Variants in LSAMP observed in about 807,000 individuals in gnomAD.
LSAMP encodes limbic system-associated membrane protein.
LSAMP carries 7 observed loss-of-function variants against 38.6 expected under a neutral mutation model. That is an observed-to-expected ratio of 0.18 (90% CI 0.10 to 0.34). The LOEUF is 0.34. LSAMP is among the 10% of genes least tolerant of loss of function. The probability of loss-of-function intolerance (pLI) is 1.00; values close to 1 mark genes in which losing one functional copy is unlikely to be tolerated. For missense variants in LSAMP, 313 were observed against 420.0 expected (o/e 0.75, Z 2.23); for synonymous variants, 154 against 166.8 (o/e 0.92, Z 0.59).
intron 1 of LSAMP, among the ~76,000 whole-genome samples, chr3:116,180,055 CG>C (rs1710448123): frequency 6.6e-6 from 1 of 152,048 alleles, no homozygotes; most frequent in Admixed American, 6.6e-5. Context: ...TGCTCATTTT[CG>C]TTCAATCATT....
intron 3 of LSAMP, among the ~76,000 whole-genome samples, chr3:115,864,695 T>A (rs1935808139): frequency 6.6e-6 from 1 of 152,162 alleles, no homozygotes; most frequent in Non-Finnish European, 1.5e-5. Flanking sequence ...CCTAGTGTCC[T>A]CGCACCACCT....
At chr3:116,127,605 A>G (rs938343374) in intron 1 of LSAMP, among the ~76,000 whole-genome samples, 16 of 152,094 alleles carry the variant, frequency 1.1e-4, no homozygotes, top group African/African-American at 3.9e-4. Flanking sequence ...TGAGAAAGTA[A>G]GTTCCTTTTA....
chr3:116,217,325 A>C (rs2046232087), intron 1 of LSAMP, among the ~76,000 whole-genome samples: 1 of 152,238 alleles, frequency 6.6e-6, no homozygotes, highest in African/African-American at 2.4e-5. Flanking sequence ...CTGAAGACAC[A>C]TTCACGTTAT....
rs370024156 is a variant in LSAMP, at chr3:115,994,633, ATG to A, written c.514+24880_514+24881del. The stretch of plus-strand genomic sequence containing the variant: ...GTGATCCCCAAATACTGGTAGTGGA[ATG>A]TCTTGGGATTTCAATAGATAAAAGA... On this transcript the variant is annotated intron_variant, in intron 3 of 6. Coordinates refer to ENST00000490035, the MANE Select transcript of LSAMP (RefSeq NM_002338.5). Among the ~76,000 whole-genome samples, 260 of 152,136 alleles carry A rather than the reference ATG, an allele frequency of 1.7e-3. 1 individual carries two copies. The highest frequency in any genetic ancestry group is 6.1e-3 in the African/African-American group (252 of 41,520).
intron 1 of LSAMP, among the ~76,000 whole-genome samples, chr3:116,166,787 G>GTTTTTTTTT (rs35340943): frequency 1.7e-5 from 2 of 118,810 alleles, no homozygotes; most frequent in African/African-American, 3.1e-5. Context: ...TTTTTTTTTT[G>GTTTTTTTTT]TTTTTTTTTT....
intron 3 of LSAMP, among the ~76,000 whole-genome samples, chr3:115,963,154 G>C (rs1017138282): frequency 2.6e-5 from 4 of 152,034 alleles, no homozygotes; most frequent in African/African-American, 9.7e-5. Flanking sequence ...TCCATGTTTC[G>C]TTGTAACAAG....
chr3:116,373,548 TG>T (rs2048459495), intron 1 of LSAMP, among the ~76,000 whole-genome samples: 1 of 151,822 alleles, frequency 6.6e-6, no homozygotes, highest in African/African-American at 2.4e-5. Context: ...GCCAGCAAAC[TG>T]TACATTTAAA....
chr3:115,858,499 AT>A (rs1935577455), intron 3 of LSAMP, among the ~76,000 whole-genome samples: 2 of 152,008 alleles, frequency 1.3e-5, no homozygotes, highest in Non-Finnish European at 1.5e-5. Context: ...TGAATGGATC[AT>A]TTTTTTCACT....
intron 3 of LSAMP, among the ~76,000 whole-genome samples, chr3:115,918,172 A>C (rs113357205): frequency 6.6e-6 from 1 of 152,158 alleles, no homozygotes; most frequent in African/African-American, 2.4e-5. Flanking sequence ...TTCCAGTGCC[A>C]TTAAGACCCT....
chr3:115,940,163 C>A (rs1397281584), intron 3 of LSAMP, among the ~76,000 whole-genome samples: 4 of 152,110 alleles, frequency 2.6e-5, no homozygotes, highest in African/African-American at 9.7e-5. Context: ...AGTGTTACAC[C>A]TCTTAAAGCT....
chr3:116,201,603 G>C (rs2045987214), intron 1 of LSAMP, among the ~76,000 whole-genome samples: 1 of 152,044 alleles, frequency 6.6e-6, no homozygotes, highest in Non-Finnish European at 1.5e-5. Context: ...TCCAGATCCA[G>C]ACACCCTGCA....
chr3:115,948,133 A>G (rs1938162847), intron 3 of LSAMP, among the ~76,000 whole-genome samples: 1 of 152,200 alleles, frequency 6.6e-6, no homozygotes, highest in African/African-American at 2.4e-5. Flanking sequence ...AATAATATAC[A>G]TGCCCTAGTC....
intron 1 of LSAMP, among the ~76,000 whole-genome samples, chr3:116,339,802 G>A (rs967577814): frequency 1.3e-5 from 2 of 152,078 alleles, no homozygotes; most frequent in African/African-American, 2.4e-5. Flanking sequence ...TCCCAGCCAA[G>A]AGCTAGCATT....
intron 1 of LSAMP, among the ~76,000 whole-genome samples, chr3:116,409,206 C>T (rs527434688): frequency 1.3e-5 from 2 of 152,158 alleles, no homozygotes; most frequent in South Asian, 4.1e-4. Flanking sequence ...TTTCCCTCTG[C>T]ATCCATCAGG....
At chr3:116,280,400 A>T (rs767829577) in intron 1 of LSAMP, among the ~76,000 whole-genome samples, 3 of 152,260 alleles carry the variant, frequency 2.0e-5, no homozygotes, top group Admixed American at 6.5e-5. Flanking sequence ...TCTTGTATTA[A>T]ACTGAGAAAG....
At chr3:116,232,699 CTTTTT>C (rs1219296323) in intron 1 of LSAMP, among the ~76,000 whole-genome samples, 10 of 99,474 alleles carry the variant, frequency 1.0e-4, no homozygotes, top group East Asian at 3.4e-4. Flanking sequence ...TTCTTTCTTT[CTTTTT>C]TTTTTTTTTT....
rs147269865 is a variant in LSAMP at position 115,885,861 on chromosome 3, A to G, written c.515-33244T>C. ...GAGCCTGAAAAAAAACCATTGCCCA[A>G]TGATCCCCAAAACTACAAAGTGAGT... On this transcript the variant is annotated intron_variant, in intron 3 of 6. Transcript: ENST00000490035. Among the ~76,000 whole-genome samples the G allele has an allele frequency of 2.3e-3, 357 of 152,074 alleles. 4 individuals are homozygous for G. The highest frequency in any genetic ancestry group is 8.2e-3 in the African/African-American group (342 of 41,536).
rs1442222651 is a variant in LSAMP at position 116,091,725 on chromosome 3, T to C, written c.156-5169A>G. 3.9e-5 allele frequency among the ~76,000 whole-genome samples: 6 copies of C among 152,300 alleles called. No individual in the cohort carries two copies. The East Asian group carries it at 1.2e-3, about 29-fold the overall frequency. On this transcript the variant is annotated intron_variant, in intron 1 of 6. Transcript: ENST00000490035. ...ATTTCAAAAACCTGTTAGTGTTATG[T>C]GTTGTTTTAATAGAATGTTGTCTTG...
At chr3:116,015,864 A>G (rs1237088187) in intron 3 of LSAMP, among the ~76,000 whole-genome samples, 15 of 152,160 alleles carry the variant, frequency 9.9e-5, no homozygotes, top group Non-Finnish European at 2.9e-5. Context: ...AATGACAGAT[A>G]ATCAGGTATT....
Sources: gnomAD v4.1 joint callset for allele counts (sites outside exome capture counted in the v4.1 genomes callset) on GRCh38, gnomAD v4.1.1 for gene constraint, MANE v1.5 for transcripts, NCBI Gene and HGNC (gene_info 2026-07-23, HGNC 2026-07-21) for gene names.